Variants in TIAM2 observed in about 807,000 individuals in gnomAD.
TIAM2 encodes rho guanine nucleotide exchange factor TIAM2.
A neutral mutation model predicts 152.9 loss-of-function variants in TIAM2; 80 were observed. That is an observed-to-expected ratio of 0.52 (90% confidence interval 0.44 to 0.63). The LOEUF is 0.63. Ranked by LOEUF, TIAM2 falls within the 30% of genes least tolerant of loss-of-function variation. The pLI, the probability that TIAM2 is intolerant of heterozygous loss-of-function variation, is 0.00. For synonymous variants in TIAM2, 804 were observed against 838.0 expected, an observed-to-expected ratio of 0.96 and a Z score of 0.70; for missense variants, 1,965 against 2,120.1, an observed-to-expected ratio of 0.93 and a Z score of 1.44.
At chr6:155,040,382 G>A (rs1056738997) in intron 1 of TIAM2, among the ~76,000 whole-genome samples, 2 of 152,212 alleles carry the variant, frequency 1.3e-5, no homozygotes, top group Admixed American at 6.5e-5. Flanking sequence ...GGCCCCATTG[G>A]AAGCAACTTG....
rs375541055 is a variant in TIAM2 at position 155,182,308 on chromosome 6, G to T, written c.2790G>T (p.Ala930=). Residue 930 remains alanine (A), a synonymous_variant, in exon 13 of 27, where the codon GCG becomes GCT. Transcript: ENST00000682666. ...GCGACGTTCTTCCCGATGGCCTGGC[G>T]TATGGGGAAGGTCCGTGTGGCACAC... is the stretch of plus-strand genomic sequence containing the variant. The part of the protein sequence containing the change: ...FISDVLPDGL[A]YGEGLRKGNE... The T allele has an allele frequency of 6.2e-7, 1 of 1,614,018 alleles. No homozygotes were observed. Among genetic ancestry groups the T allele is most frequent in the African/African-American group, 1.3e-5 (1 of 75,050 alleles).
At chr6:155,128,624 C>T (rs930191903) in intron 3 of TIAM2, among the ~76,000 whole-genome samples, 3 of 151,636 alleles carry the variant, frequency 2.0e-5, no homozygotes, top group Non-Finnish European at 4.4e-5. Context: ...CTTTGGGAGG[C>T]CGAGGCAAGA....
chr6:155,057,017 C>CTTTTTTTTTTTTTTT (rs71023612), intron 1 of TIAM2, among the ~76,000 whole-genome samples: 14 of 43,868 alleles, frequency 3.2e-4, no homozygotes, highest in South Asian at 1.0e-3. Context: ...AGTTTTCTTT[C>CTTTTTTTTTTTTTTT]TTTTTTTTTT....
At chr6:155,100,915 G>A (rs756076459) in intron 2 of TIAM2, among the ~76,000 whole-genome samples, 9 of 152,152 alleles carry the variant, frequency 5.9e-5, no homozygotes, top group South Asian at 2.1e-4. Context: ...CTGATGTCAC[G>A]CCAGAGGGAC....
chr6:155,135,047 C>A (rs1779528120), intron 4 of TIAM2, among the ~76,000 whole-genome samples: 1 of 151,680 alleles, frequency 6.6e-6, no homozygotes, highest in Admixed American at 6.6e-5. Flanking sequence ...AAAAAAAAAA[C>A]TCTAAGTATT....
intron 7 of TIAM2, among the ~76,000 whole-genome samples, chr6:155,150,921 C>T (rs1235988258): frequency 1.3e-5 from 2 of 152,172 alleles, no homozygotes; most frequent in African/African-American, 2.4e-5. Context: ...ATGCTTGAAT[C>T]ACACAGTTTG....
intron 1 of TIAM2, among the ~76,000 whole-genome samples, chr6:155,055,655 G>A (rs766567900): frequency 2.0e-5 from 3 of 152,130 alleles, no homozygotes; most frequent in Non-Finnish European, 4.4e-5. Context: ...AGAGAAAGAA[G>A]TGTTTGATAA....
chr6:155,140,784 G>A (rs1779682294), intron 5 of TIAM2, among the ~76,000 whole-genome samples: 1 of 152,162 alleles, frequency 6.6e-6, no homozygotes. Flanking sequence ...TTCTGGGTCT[G>A]CAGAGGTTAG....
intron 1 of TIAM2, among the ~76,000 whole-genome samples, chr6:155,023,029 C>T (rs1036999721): frequency 1.0e-4 from 10 of 100,228 alleles, no homozygotes; most frequent in African/African-American, 3.4e-4. Context: ...AGGAGGGACT[C>T]ATTTTTTGTT....
At chr6:155,028,481 T>C (rs562982396) in intron 1 of TIAM2, among the ~76,000 whole-genome samples, 3 of 132,574 alleles carry the variant, frequency 2.3e-5, no homozygotes, top group South Asian at 4.8e-4. Flanking sequence ...GTGTTACATA[T>C]ACTACATATA....
At position 155,254,481 on chromosome 6, in the gene TIAM2, G is replaced by C. The variant is rs753683951; in HGVS notation, c.4376G>C (p.Arg1459Thr). The change falls in exon 26 of 27, where the codon AGG becomes ACG. Residue 1459 changes from arginine to threonine, a missense_variant. Arg to Thr is a moderately conservative substitution (Grantham distance 71). Around this residue, in one of 3 missense-constraint regions of TIAM2, gnomAD observed 935 missense variants for 980.0 expected, o/e 0.95. Coordinates refer to ENST00000682666, the MANE Select transcript of TIAM2 (RefSeq NM_012454.4). ...VIRSILRENF[R>T]RHIKCELPLE... ...CGTTCTATTCTGAGGGAGAACTTCAGGCGTCACATAAAGTGTGAATTACCA... is the reference window on the plus strand; with the variant it reads ...CGTTCTATTCTGAGGGAGAACTTCACGCGTCACATAAAGTGTGAATTACCA... The C allele has an allele frequency of 1.9e-6, 3 of 1,614,014 alleles. No individual in the cohort carries two copies. The African/African-American group carries it at 4.0e-5, about 22-fold the overall frequency.
At chr6:155,172,664 A>G (rs1408549597) in intron 9 of TIAM2, among the ~76,000 whole-genome samples, 1 of 7,556 alleles carries the variant, frequency 1.3e-4, no homozygotes, top group Non-Finnish European at 3.7e-4. Flanking sequence ...ATATATATAT[A>G]TATATATATA....
chr6:155,166,306 T>G (rs1007609018), intron 9 of TIAM2, among the ~76,000 whole-genome samples: 2 of 151,654 alleles, frequency 1.3e-5, no homozygotes, highest in African/African-American at 2.4e-5. Context: ...CAACACTTTC[T>G]TTTTCTTTTC....
intron 1 of TIAM2, among the ~76,000 whole-genome samples, chr6:155,044,474 G>A (rs147049419): frequency 1.3e-5 from 2 of 152,110 alleles, no homozygotes; most frequent in East Asian, 3.9e-4. Flanking sequence ...CTTTCTTCAT[G>A]TATAATTTTT....
At chr6:155,182,112 T>A (rs1780915641) in intron 12 of TIAM2, 114 bp from the exon 13 acceptor site, 1 of 822,226 alleles carries the variant, frequency 1.2e-6, no homozygotes, top group African/African-American at 1.7e-5. Flanking sequence ...ATTTCGACTT[T>A]CTCAACATAC....
At chr6:155,052,241 T>A (rs1271696420) in intron 1 of TIAM2, among the ~76,000 whole-genome samples, 1 of 152,302 alleles carries the variant, frequency 6.6e-6, no homozygotes, top group Non-Finnish European at 1.5e-5. Flanking sequence ...AAATGCAGAA[T>A]CTAATAAAAC....
chr6:155,019,837 G>A (rs944287683), intron 1 of TIAM2, among the ~76,000 whole-genome samples: 2 of 152,120 alleles, frequency 1.3e-5, no homozygotes, highest in Non-Finnish European at 1.5e-5. Context: ...GGCGGATCAC[G>A]AGGTCAAGAG....
chr6:155,126,738 A>G (rs1310501984), intron 2 of TIAM2, among the ~76,000 whole-genome samples: 1 of 152,038 alleles, frequency 6.6e-6, no homozygotes, highest in Non-Finnish European at 1.5e-5. Flanking sequence ...TCTCAAATAA[A>G]TAAATAAATA....
chr6:155,137,179 G>A lies in TIAM2; in HGVS notation c.1197G>A (p.Glu399=). The change falls in exon 5 of 27, where the codon GAG becomes GAA. Residue 399 remains glutamate (E), a splice_region_variant and synonymous_variant. Coordinates refer to ENST00000682666, the MANE Select transcript of TIAM2 (RefSeq NM_012454.4). The stretch of plus-strand genomic sequence containing the variant: ...GTGATCATGTGTGTTTCTCACAGGA[G>A]CCGAGGTCCAAGGAGGGCAGTGACT... ...SLSRKKRKLQ[E]PRSKEGSDYF... 1 of 1,611,390 alleles carries A rather than the reference G, an allele frequency of 6.2e-7. No homozygotes were observed. The highest frequency in any genetic ancestry group is 1.1e-5 in the South Asian group (1 of 90,942).
Sources: allele counts gnomAD v4.1 joint callset (sites outside exome capture counted in the v4.1 genomes callset), GRCh38; gene constraint gnomAD v4.1.1; regional missense constraint gnomAD v4.1.1; transcripts MANE v1.5; gene names NCBI Gene and HGNC (gene_info 2026-07-23, HGNC 2026-07-21).